The following SLC35F3 variants were observed in gnomAD, a reference collection of about 807,000 sequenced individuals.
The protein encoded by SLC35F3 is putative thiamine transporter SLC35F3.
A neutral mutation model predicts 49.9 loss-of-function variants in SLC35F3; 25 were observed. The ratio of observed to expected loss-of-function variants is 0.50; its 90% CI spans 0.37 to 0.70. The LOEUF (loss-of-function observed/expected upper bound fraction) is 0.70. Among genes scored for constraint, SLC35F3 ranks in the 30% least tolerant of loss-of-function variants. The pLI is 0.00. For missense variants in SLC35F3, 525 were observed against 639.8 expected (o/e 0.82, Z 1.94); for synonymous variants, 275 against 265.4 (o/e 1.04, Z -0.35).
At chr1:234,106,861 G>C (rs1475968832) in intron 2 of SLC35F3, among the ~76,000 whole-genome samples, 2 of 152,174 alleles carry the variant, frequency 1.3e-5, no homozygotes, top group African/African-American at 2.4e-5. Context: ...CCAAGTGGCA[G>C]AATGAAGAAC....
chr1:234,251,869 C>G (rs1018841601), intron 3 of SLC35F3, among the ~76,000 whole-genome samples: 2 of 151,792 alleles, frequency 1.3e-5, no homozygotes, highest in Admixed American at 6.6e-5. Flanking sequence ...GTAAGTAATA[C>G]TGGGGCAACT....
At chr1:234,020,629 A>G (rs556629153) in intron 2 of SLC35F3, among the ~76,000 whole-genome samples, 26 of 152,276 alleles carry the variant, frequency 1.7e-4, no homozygotes, top group Admixed American at 1.5e-3. Flanking sequence ...TTCTATTTCA[A>G]TGACTCCTAT....
chr1:234,196,927 G>C (rs957214199), intron 2 of SLC35F3, among the ~76,000 whole-genome samples: 1 of 152,190 alleles, frequency 6.6e-6, no homozygotes, highest in Middle Eastern at 3.4e-3. Flanking sequence ...GGGCAACATA[G>C]CAAGACTCCA....
In SLC35F3 at chr1:234,231,592, G is replaced by A; in HGVS notation, c.459G>A (p.Thr153=). ...TGTGCTCCTCGTGGGCGGGCTCCAC[G>A]CAGCTCGCCAAGCTGACCTTCAGGA... ...LCVCSSWAGS[T]QLAKLTFRKF... The change falls in exon 3 of 8, where the codon ACG becomes ACA. Residue 153 remains threonine (T), a synonymous_variant. Transcript: ENST00000366618. This position sits in a 1 kb window ranked among gnomAD's most constrained non-coding sequence, Gnocchi z 5.4. 2 of 1,614,210 alleles carry A rather than the reference G, an allele frequency of 1.2e-6. No individual in the cohort carries two copies. Among genetic ancestry groups the A allele is most frequent in the Non-Finnish European group, 1.7e-6 (2 of 1,180,026 alleles).
intron 2 of SLC35F3, among the ~76,000 whole-genome samples, chr1:234,052,585 T>C (rs1003438587): frequency 3.3e-5 from 5 of 152,068 alleles, no homozygotes; most frequent in African/African-American, 9.7e-5. Flanking sequence ...TTTCAAAAAA[T>C]GAGCTCCTGG....
At chr1:234,293,255 C>T (rs935332207) in intron 3 of SLC35F3, among the ~76,000 whole-genome samples, 3 of 152,198 alleles carry the variant, frequency 2.0e-5, no homozygotes, top group African/African-American at 7.2e-5. Context: ...AAGATGGGAA[C>T]TAGGAAGGCC....
At chr1:234,132,606 T>C in intron 2 of SLC35F3, among the ~76,000 whole-genome samples, 1 of 152,364 alleles carries the variant, frequency 6.6e-6, no homozygotes, top group South Asian at 2.1e-4. Flanking sequence ...TGTAAGTTTA[T>C]ATAAAACTTT....
At chr1:234,028,238 C>G (rs1331420764) in intron 2 of SLC35F3, among the ~76,000 whole-genome samples, 7 of 152,338 alleles carry the variant, frequency 4.6e-5, no homozygotes, top group African/African-American at 1.4e-4. Flanking sequence ...CCCGATCCAG[C>G]TTCTGATCCT....
intron 2 of SLC35F3, among the ~76,000 whole-genome samples, chr1:234,011,554 C>T (rs542608971): frequency 5.9e-5 from 9 of 152,270 alleles, no homozygotes; most frequent in East Asian, 1.9e-4. Flanking sequence ...GGCATACTCA[C>T]GCACACACAC....
intron 2 of SLC35F3, among the ~76,000 whole-genome samples, chr1:234,147,690 G>C (rs1666018734): frequency 6.6e-6 from 1 of 152,230 alleles, no homozygotes; most frequent in Admixed American, 6.5e-5. Flanking sequence ...TCTGAGGGCA[G>C]CCAGGAGCCT....
At chr1:233,922,408 T>C (rs1662078239) in intron 2 of SLC35F3, among the ~76,000 whole-genome samples, 1 of 152,168 alleles carries the variant, frequency 6.6e-6, no homozygotes. Context: ...ATGAGCATTT[T>C]TTCATGTGTC....
intron 2 of SLC35F3, among the ~76,000 whole-genome samples, chr1:234,184,221 A>G (rs1482162693): frequency 1.3e-5 from 2 of 151,690 alleles, no homozygotes; most frequent in Non-Finnish European, 2.9e-5. Flanking sequence ...AACCATAATG[A>G]TCTTCCTTGC....
chr1:234,042,003 A>C (rs146168187), intron 2 of SLC35F3, among the ~76,000 whole-genome samples: 1 of 152,228 alleles, frequency 6.6e-6, no homozygotes, highest in Non-Finnish European at 1.5e-5. Context: ...GGGCCCATGC[A>C]TGTAGAAGTA....
intron 3 of SLC35F3, among the ~76,000 whole-genome samples, chr1:234,266,873 GTTT>G (rs34040004): frequency 1.8e-5 from 2 of 108,644 alleles, no homozygotes; most frequent in Middle Eastern, 6.6e-3. Flanking sequence ...GAAGCACATG[GTTT>G]TTTTTTTTTT....
chr1:233,954,710 A>G (rs1026447663), intron 2 of SLC35F3, among the ~76,000 whole-genome samples: 6 of 152,214 alleles, frequency 3.9e-5, no homozygotes, highest in Non-Finnish European at 7.3e-5. Flanking sequence ...AGATTAGGAC[A>G]GACATGGTAC....
At chr1:234,314,431 G>A (rs182893559) in intron 4 of SLC35F3, among the ~76,000 whole-genome samples, 17 of 152,264 alleles carry the variant, frequency 1.1e-4, no homozygotes, top group East Asian at 3.9e-4. Flanking sequence ...AACTTCAGCC[G>A]TAAGCCTGGA....
intron 2 of SLC35F3, among the ~76,000 whole-genome samples, chr1:234,065,308 G>A (rs113983592): frequency 0.032 from 4,888 of 152,114 alleles, 245 homozygotes; most frequent in African/African-American, 0.11. Context: ...CACCACGCCC[G>A]GCTAATTTTT....
At chr1:234,004,719 G>A (rs1663604766) in intron 2 of SLC35F3, among the ~76,000 whole-genome samples, 2 of 152,078 alleles carry the variant, frequency 1.3e-5, no homozygotes, top group African/African-American at 2.4e-5. Context: ...AATTCCAAGA[G>A]CTGTCATTTA....
intron 2 of SLC35F3, among the ~76,000 whole-genome samples, chr1:233,970,128 C>T (rs1434559757): frequency 6.6e-6 from 1 of 152,220 alleles, no homozygotes; most frequent in African/African-American, 2.4e-5. Context: ...GCACTGGTGG[C>T]CTCTGCCACA....
Sources: allele counts gnomAD v4.1 joint callset (sites outside exome capture counted in the v4.1 genomes callset), GRCh38; gene constraint gnomAD v4.1.1; non-coding constraint Gnocchi (gnomAD v3.1); transcripts MANE v1.5; gene names NCBI Gene and HGNC (gene_info 2026-07-23, HGNC 2026-07-21).